Variants in PDCD6 observed in about 807,000 individuals in gnomAD.
The protein encoded by PDCD6 is programmed cell death protein 6.
PDCD6 carries 12 observed loss-of-function variants against 28.3 expected under a neutral mutation model. That is an observed-to-expected ratio of 0.42 (90% CI 0.27 to 0.69). The LOEUF is 0.69. Ranked by LOEUF, PDCD6 falls within the 30% of genes least tolerant of loss-of-function variation. The probability of loss-of-function intolerance (pLI) is 0.22; values close to 1 mark genes in which losing one functional copy is unlikely to be tolerated. For missense variants in PDCD6, 226 were observed against 269.9 expected (o/e 0.84, Z 1.14); for synonymous variants, 92 against 108.0 (o/e 0.85, Z 0.92).
intron 5 of PDCD6, 130 bp from the exon 6 acceptor site, chr5:314,287 T>C (rs1157014823): frequency 7.7e-6 from 5 of 645,866 alleles, no homozygotes; most frequent in Non-Finnish European, 1.4e-5. Context: ...TGCGCCTCCC[T>C]GTGCTGGGCT....
At position 307,263 on chromosome 5, in the gene PDCD6, TG is replaced by T. The variant is rs1740574451; in HGVS notation, c.367+504del. The stretch of plus-strand genomic sequence containing the variant: ...GCTCGGCGTGTGTGTGCTCGGCGTG[TG>T]TGTGCACACGTGTGCCGTGCGCCTC... On this transcript the variant is annotated intron_variant, in intron 4 of 5. Coordinates refer to ENST00000264933, the MANE Select transcript of PDCD6 (RefSeq NM_013232.4). This position sits in a 1 kb window ranked among gnomAD's most constrained non-coding sequence, Gnocchi z 6.1. Among the ~76,000 whole-genome samples the T allele has an allele frequency of 1.1e-5, 1 of 91,880 alleles. No individual in the cohort carries two copies. The highest frequency in any genetic ancestry group is 2.4e-4 in the East Asian group (1 of 4,220). 60.3% of individuals were successfully genotyped at this position (91,880 alleles called of 152,430 possible). A position where few individuals can be genotyped will look rare whatever the true frequency, so the allele number is the denominator to read the frequency against.
chr5:314,030 C>A (rs4957019), intron 5 of PDCD6, among the ~76,000 whole-genome samples: 9 of 151,714 alleles, frequency 5.9e-5, no homozygotes, highest in Non-Finnish European at 1.2e-4. Context: ...GCATCCCCTG[C>A]GCTGCACATG....
At chr5:302,494 T>TGTGTGG (rs1740156903) in intron 2 of PDCD6, among the ~76,000 whole-genome samples, 1 of 84,016 alleles carries the variant, frequency 1.2e-5, no homozygotes, top group Admixed American at 1.3e-4. Flanking sequence ...GCTGCTGCTG[T>TGTGTGG]GTGTGTGTGT....
At chr5:302,407 C>CA (rs1740144742) in intron 2 of PDCD6, among the ~76,000 whole-genome samples, 1 of 94,294 alleles carries the variant, frequency 1.1e-5, no homozygotes, top group Admixed American at 9.5e-5. Context: ...GTGTGTATGC[C>CA]TCAGGTTCAG....
intron 2 of PDCD6, among the ~76,000 whole-genome samples, chr5:296,195 C>T (rs1468853776): frequency 6.6e-6 from 1 of 152,206 alleles, no homozygotes; most frequent in Admixed American, 6.5e-5. Flanking sequence ...CATCAATTCT[C>T]TGGGACAATC....
rs148565228 is a variant in PDCD6 at position 306,651 on chromosome 5, G to A, written c.258G>A (p.Thr86=). ...CCGGCGTGAACTTCAGCGAGTTCAC[G>A]GGTGTGTGGAAGTACATCACGGACT... The part of the protein sequence containing the change: ...NKAGVNFSEF[T]GVWKYITDWQ... Residue 86 remains threonine (T), a synonymous_variant, in exon 4 of 6, where the codon ACG becomes ACA. Coordinates refer to ENST00000264933, the MANE Select transcript of PDCD6 (RefSeq NM_013232.4). 124 of 1,613,974 alleles carry A rather than the reference G, an allele frequency of 7.7e-5. No homozygotes were observed. In the African/African-American group the frequency reaches 1.4e-3, roughly 18 times the overall value.
At position 307,129 on chromosome 5, in the gene PDCD6, C is replaced by T. The variant is rs1265841984; in HGVS notation, c.367+369C>T. Among the ~76,000 whole-genome samples the T allele has an allele frequency of 6.6e-6, 1 of 152,200 alleles. No individual in the cohort carries two copies. The highest frequency in any genetic ancestry group is 1.5e-5 in the Non-Finnish European group (1 of 68,032). The stretch of plus-strand genomic sequence containing the variant: ...GATAGATCAAAGCACGTTGAAAAGG[C>T]AACAGTCACCTAAGAAACAGCTGTC... On this transcript the variant is annotated intron_variant, in intron 4 of 5. Transcript: ENST00000264933. The surrounding 1 kb of genome is among the most constrained non-coding windows in gnomAD (Gnocchi z 6.1).
At position 272,736 on chromosome 5, in the gene PDCD6, A is replaced by G. The variant is rs548493620; in HGVS notation, c.127A>G (p.Ile43Val). ...QRVDKDRSGV[I>V]SDTELQQALS... ...GGTCGATAAAGACAGGAGTGGAGTG[A>G]TATCAGACACCGAGCTTCAGCAAGC... Residue 43 changes from isoleucine to valine, a missense_variant, in exon 2 of 6, where the codon ATA becomes GTA. By Grantham distance (29) the Ile-to-Val change is conservative. Transcript: ENST00000264933. 2.4e-5 allele frequency: 38 copies of G among 1,589,334 alleles called. No homozygotes were observed. In the South Asian group the frequency reaches 3.1e-4, roughly 13 times the overall value.
At chr5:306,512 C>T (rs1740496321) in intron 3 of PDCD6, 90 bp from the exon 4 acceptor site, 2 of 1,445,696 alleles carry the variant, frequency 1.4e-6, no homozygotes, top group Non-Finnish European at 9.6e-7. Flanking sequence ...GGGGCCCCGC[C>T]AGGCTCTGAG....
chr5:299,541 TC>T (rs1169289557), intron 2 of PDCD6, among the ~76,000 whole-genome samples: 1 of 140,978 alleles, frequency 7.1e-6, no homozygotes, highest in Non-Finnish European at 1.5e-5. Flanking sequence ...ATTCTTACGT[TC>T]TTTTGAAGGT....
At chr5:285,404 G>T (rs774841548) in intron 2 of PDCD6, among the ~76,000 whole-genome samples, 5 of 151,912 alleles carry the variant, frequency 3.3e-5, no homozygotes, top group Non-Finnish European at 7.4e-5. Flanking sequence ...CAGTTTGAGG[G>T]CCGTGCAGCT....
chr5:302,070 C>CTGTGTGTGTGAGTGTGTG (rs1740096423), intron 2 of PDCD6, among the ~76,000 whole-genome samples: 1 of 57,690 alleles, frequency 1.7e-5, no homozygotes. Flanking sequence ...GAGTGCTGCT[C>CTGTGTGTGTGAGTGTGTG]TGTGTGTGTG....
chr5:271,749 C>G lies in PDCD6; in HGVS notation c.29C>G (p.Pro10Arg), dbSNP rs749816991. 25 of 1,181,038 alleles carry G rather than the reference C, an allele frequency of 2.1e-5. No homozygotes were observed. The highest frequency in any genetic ancestry group is 2.7e-5 in the Non-Finnish European group (24 of 874,434). The allele number at this position is 1,181,038 out of a possible 1,614,324, so 73.2% of individuals were successfully genotyped here. MAAYSYRPGPGAGPGPAAGA... is the reference protein window; with the variant it reads MAAYSYRPGRGAGPGPAAGA... ...GCCGCCTACTCTTACCGCCCCGGCCCTGGGGCCGGCCCTGGGCCTGCTGCA... is the reference window on the plus strand; with the variant it reads ...GCCGCCTACTCTTACCGCCCCGGCCGTGGGGCCGGCCCTGGGCCTGCTGCA... Residue 10 changes from proline to arginine, a missense_variant, in exon 1 of 6, where the codon CCT (proline) becomes CGT (arginine). By Grantham distance (103) the Pro-to-Arg change is moderately radical. Around this residue, in one of 3 missense-constraint regions of PDCD6, gnomAD observed 72 missense variants for 71.4 expected, o/e 1.01. Coordinates refer to ENST00000264933, the MANE Select transcript of PDCD6 (RefSeq NM_013232.4).
intron 2 of PDCD6, among the ~76,000 whole-genome samples, chr5:303,796 T>G (rs576673210): frequency 1.0e-4 from 15 of 147,728 alleles, no homozygotes; most frequent in African/African-American, 3.5e-4. Flanking sequence ...ATTCGTGAAG[T>G]CCTCTAACAA....
rs201857979 is a variant in PDCD6, at chr5:304,151, T to A, written c.164-26T>A. Reference sequence around the variant, plus strand: ...TCCCAGAAAGATTTTCCTTTTACTTTAACTCCTGTTGTTGTTTGTTTTCAG... The same window carrying A: ...TCCCAGAAAGATTTTCCTTTTACTTAAACTCCTGTTGTTGTTTGTTTTCAG... On this transcript the variant is annotated intron_variant, in intron 2 of 5. Transcript: ENST00000264933. 4 of 1,241,252 alleles carry A rather than the reference T, an allele frequency of 3.2e-6. No individual in the cohort carries two copies. The East Asian group carries it at 9.2e-5, about 29-fold the overall frequency. The allele number at this position is 1,241,252 out of a possible 1,614,324, so 76.9% of individuals were successfully genotyped here. A position where few individuals can be genotyped will look rare whatever the true frequency, so the allele number is the denominator to read the frequency against.
chr5:297,197 C>T (rs1180172424), intron 2 of PDCD6, among the ~76,000 whole-genome samples: 4 of 152,244 alleles, frequency 2.6e-5, no homozygotes. Flanking sequence ...AGGATTCGTA[C>T]ATGCCAGAGG....
intron 2 of PDCD6, among the ~76,000 whole-genome samples, chr5:285,692 G>C (rs1738909405): frequency 1.3e-5 from 2 of 152,190 alleles, no homozygotes; most frequent in Admixed American, 1.3e-4. Flanking sequence ...GGGCCGTGCA[G>C]CTGGCGACCC....
rs73734211 is a variant in PDCD6 at position 302,105 on chromosome 5, T to C, written c.164-2072T>C. Among the ~76,000 whole-genome samples the C allele has an allele frequency of 6.6e-4, 85 of 127,920 alleles. 4 individuals are homozygous for C. Among genetic ancestry groups the C allele is most frequent in the African/African-American group, 3.1e-3 (80 of 25,556 alleles). The allele number at this position is 127,920 out of a possible 152,430, so 83.9% of individuals were successfully genotyped here. A position where few individuals can be genotyped will look rare whatever the true frequency, so the allele number is the denominator to read the frequency against. The stretch of plus-strand genomic sequence containing the variant: ...GTGTGTGTGTGTGTGTGTGTGTGTG[T>C]GTGCCTTGGGTTCAGGTGCACCTGC... On this transcript the variant is annotated intron_variant, in intron 2 of 5. Coordinates refer to ENST00000264933, the MANE Select transcript of PDCD6 (RefSeq NM_013232.4).
intron 5 of PDCD6, among the ~76,000 whole-genome samples, chr5:313,053 C>T (rs1256137439): frequency 2.6e-5 from 4 of 152,214 alleles, no homozygotes; most frequent in Non-Finnish European, 4.4e-5. Context: ...CTGCAGCCAG[C>T]GTAGCTCCTC....
Sources: allele counts gnomAD v4.1 joint callset (sites outside exome capture counted in the v4.1 genomes callset), GRCh38; gene constraint gnomAD v4.1.1; regional missense constraint gnomAD v4.1.1; non-coding constraint Gnocchi (gnomAD v3.1); transcripts MANE v1.5; gene names NCBI Gene and HGNC (gene_info 2026-07-23, HGNC 2026-07-21).